The following CACNA2D3 variants were observed in gnomAD, a reference collection of about 807,000 sequenced individuals.
CACNA2D3 encodes the protein calcium voltage-gated channel auxiliary subunit alpha2delta 3, also known as voltage-dependent calcium channel subunit alpha-2/delta-3.
Under a neutral mutation model 160.6 loss-of-function variants are expected in CACNA2D3, and 60 were observed. That is an observed-to-expected ratio of 0.37 (90% confidence interval 0.30 to 0.46). The LOEUF (loss-of-function observed/expected upper bound fraction) is 0.46, where lower values mean the gene tolerates loss of function less well. CACNA2D3 is among the 20% of genes least tolerant of loss of function. The pLI, the probability that CACNA2D3 is intolerant of heterozygous loss-of-function variation, is 1.00. For synonymous variants in CACNA2D3, 558 were observed against 492.9 expected (o/e 1.13, Z -1.75); for missense variants, 1,205 against 1,365.0 (o/e 0.88, Z 1.85).
chr3:55,054,812 A>G (rs1453037092), intron 35 of CACNA2D3, among the ~76,000 whole-genome samples: 3 of 151,942 alleles, frequency 2.0e-5, no homozygotes, highest in Admixed American at 6.5e-5. Flanking sequence ...ATTCTGTTAT[A>G]TTCTTCTAGA....
In CACNA2D3 at chr3:55,018,196, A is replaced by T; in HGVS notation, c.2876-10A>T. 6.3e-7 allele frequency: 1 copy of T among 1,581,924 alleles called. No homozygotes were observed. ...ATTCTTTACCTTTTTTTTTCCCACT[A>T]TCCCTACAGCCCAGAAATTGAAACA... is the stretch of plus-strand genomic sequence containing the variant. On this transcript the variant is annotated splice_polypyrimidine_tract_variant and intron_variant, in intron 34 of 37. Coordinates refer to ENST00000474759, the MANE Select transcript of CACNA2D3 (RefSeq NM_018398.3).
chr3:54,186,354 G>C (rs2107329534), intron 2 of CACNA2D3, among the ~76,000 whole-genome samples: 1 of 152,172 alleles, frequency 6.6e-6, no homozygotes, highest in African/African-American at 2.4e-5. Context: ...GTGAATCTAG[G>C]GGTGAATTCC....
At chr3:55,039,269 A>G (rs1041868691) in intron 35 of CACNA2D3, among the ~76,000 whole-genome samples, 3 of 152,140 alleles carry the variant, frequency 2.0e-5, no homozygotes, top group Non-Finnish European at 4.4e-5. Context: ...AGCCTGCAGC[A>G]CTATGCTATT....
At chr3:54,127,934 G>GT (rs1699628861) in intron 2 of CACNA2D3, among the ~76,000 whole-genome samples, 1 of 144,862 alleles carries the variant, frequency 6.9e-6, no homozygotes, top group East Asian at 2.1e-4. Context: ...CCTTTAACTT[G>GT]TTTTTTTTCT....
At chr3:54,365,564 G>A (rs1429077227) in intron 3 of CACNA2D3, among the ~76,000 whole-genome samples, 2 of 152,110 alleles carry the variant, frequency 1.3e-5, no homozygotes, top group Non-Finnish European at 2.9e-5. Context: ...AAACCCAGGT[G>A]GATAATACAG....
chr3:54,454,498 A>T (rs1700364080), intron 4 of CACNA2D3, among the ~76,000 whole-genome samples: 1 of 152,160 alleles, frequency 6.6e-6, no homozygotes, highest in Admixed American at 6.5e-5. Context: ...GTACATATTT[A>T]GGGGGTACCA....
intron 2 of CACNA2D3, among the ~76,000 whole-genome samples, chr3:54,251,374 G>C (rs1702187328): frequency 6.6e-6 from 1 of 152,164 alleles, no homozygotes. Flanking sequence ...TAAAGTCTAT[G>C]TATTTGTATT....
At chr3:54,898,989 C>T (rs985382307) in intron 26 of CACNA2D3, among the ~76,000 whole-genome samples, 12 of 152,108 alleles carry the variant, frequency 7.9e-5, no homozygotes, top group African/African-American at 2.9e-4. Flanking sequence ...AAACTTGGGC[C>T]AGGAGAAAAT....
At chr3:54,332,503 A>G (rs1475941900) in intron 3 of CACNA2D3, among the ~76,000 whole-genome samples, 1 of 152,228 alleles carries the variant, frequency 6.6e-6, no homozygotes, top group Non-Finnish European at 1.5e-5. Context: ...ATTTACTTAT[A>G]TGCCACTTTG....
chr3:54,632,146 T>C (rs1401529093), intron 10 of CACNA2D3: 1 of 152,234 alleles, frequency 6.6e-6, no homozygotes, highest in Admixed American at 6.5e-5. Flanking sequence ...CCATTTGAAT[T>C]TAATTGCATT....
At chr3:54,904,216 T>G (rs9812257) in intron 27 of CACNA2D3, among the ~76,000 whole-genome samples, 2 of 152,276 alleles carry the variant, frequency 1.3e-5, no homozygotes, top group African/African-American at 4.8e-5. Flanking sequence ...GTTTTATAAA[T>G]TACGCTGATC....
intron 13 of CACNA2D3, among the ~76,000 whole-genome samples, chr3:54,781,578 A>G (rs1473385219): frequency 6.6e-6 from 1 of 152,224 alleles, no homozygotes; most frequent in Admixed American, 6.5e-5. Flanking sequence ...CCAATGGGAT[A>G]AGTGTTCATT....
chr3:54,923,089 C>T (rs966623722), intron 27 of CACNA2D3, among the ~76,000 whole-genome samples: 3 of 152,284 alleles, frequency 2.0e-5, no homozygotes, highest in Admixed American at 2.0e-4. Context: ...CTTCTGCAGC[C>T]TTTCGTCAGT....
chr3:54,836,930 C>CT (rs1463075058), intron 14 of CACNA2D3, among the ~76,000 whole-genome samples: 2 of 152,212 alleles, frequency 1.3e-5, no homozygotes, highest in Non-Finnish European at 2.9e-5. Flanking sequence ...GAGAACAGAT[C>CT]TGCTAGAGTG....
chr3:54,241,096 A>G (rs1026040889), intron 2 of CACNA2D3, among the ~76,000 whole-genome samples: 1 of 152,146 alleles, frequency 6.6e-6, no homozygotes, highest in African/African-American at 2.4e-5. Context: ...TCAAAATAGA[A>G]CTTGAATCCA....
At chr3:54,828,281 T>TA (rs1402795759) in intron 14 of CACNA2D3, among the ~76,000 whole-genome samples, 3 of 152,204 alleles carry the variant, frequency 2.0e-5, no homozygotes, top group Admixed American at 2.0e-4. Context: ...TGGCTCATCA[T>TA]AAATATTGAC....
Position 54,540,968 on chromosome 3 carries a change from A to G in CACNA2D3, c.545-21832A>G, listed in dbSNP as rs1701962935. ...GGATTTAGAGTGGGTCCTCAATCTA[A>G]TAATAGGTGTCCTTTTAAGAAAAGG... On this transcript the variant is annotated intron_variant, in intron 5 of 37. Transcript: ENST00000474759. Among the ~76,000 whole-genome samples the G allele has an allele frequency of 2.6e-5, 4 of 152,234 alleles. No homozygotes were observed. In the South Asian group the frequency reaches 8.3e-4, roughly 32 times the overall value.
intron 27 of CACNA2D3, among the ~76,000 whole-genome samples, chr3:54,928,676 C>T (rs1448765103): frequency 1.3e-5 from 2 of 152,068 alleles, no homozygotes; most frequent in African/African-American, 4.8e-5. Flanking sequence ...CAGCTGCTTG[C>T]TTGCTTGCTT....
At chr3:54,652,341 G>A (rs947085499) in intron 11 of CACNA2D3, among the ~76,000 whole-genome samples, 4 of 152,220 alleles carry the variant, frequency 2.6e-5, no homozygotes, top group East Asian at 1.9e-4. Context: ...GAGCCCAGGA[G>A]TAGGGGGCTA....
Sources: gnomAD v4.1 joint callset for allele counts (sites outside exome capture counted in the v4.1 genomes callset) on GRCh38, gnomAD v4.1.1 for gene constraint, MANE v1.5 for transcripts, NCBI Gene and HGNC (gene_info 2026-07-23, HGNC 2026-07-21) for gene names.